The following NEURL1 variants were observed in gnomAD, a reference collection of about 807,000 sequenced individuals.
NEURL1 encodes E3 ubiquitin-protein ligase NEURL1.
Under a neutral mutation model 41.2 loss-of-function variants are expected in NEURL1, and 26 were observed. That is an observed-to-expected ratio of 0.63 (90% CI 0.46 to 0.87). The LOEUF is 0.87. Ranked by LOEUF, NEURL1 falls within the 40% of genes least tolerant of loss-of-function variation. The pLI is 0.00. For synonymous variants in NEURL1, 400 were observed against 402.3 expected (o/e 0.99, Z 0.07); for missense variants, 761 against 871.1 (o/e 0.87, Z 1.59).
chr10:103,570,207 C>G (rs374410442), intron 1 of NEURL1, among the ~76,000 whole-genome samples: 1 of 152,344 alleles, frequency 6.6e-6, no homozygotes, highest in East Asian at 1.9e-4. Flanking sequence ...TGGGCGGGCT[C>G]TACTTGGGCA....
chr10:103,554,793 T>C (rs2035110003), intron 1 of NEURL1, among the ~76,000 whole-genome samples: 1 of 152,196 alleles, frequency 6.6e-6, no homozygotes, highest in African/African-American at 2.4e-5. Flanking sequence ...ATCAGCTTGA[T>C]TGTGAACCTC....
intron 1 of NEURL1, among the ~76,000 whole-genome samples, chr10:103,509,162 G>A (rs995038558): frequency 1.1e-4 from 16 of 151,560 alleles, no homozygotes; most frequent in Non-Finnish European, 1.5e-5. Context: ...AACCCAGGAG[G>A]CAGAGGCTGC....
At chr10:103,519,422 T>C (rs1439952756) in intron 1 of NEURL1, among the ~76,000 whole-genome samples, 1 of 152,198 alleles carries the variant, frequency 6.6e-6, no homozygotes, top group Non-Finnish European at 1.5e-5. Flanking sequence ...TGTGCCTATG[T>C]CTAGAAAAGG....
chr10:103,560,060 C>T (rs2035258609), intron 1 of NEURL1, among the ~76,000 whole-genome samples: 1 of 152,160 alleles, frequency 6.6e-6, no homozygotes, highest in African/African-American at 2.4e-5. Context: ...CACACACATA[C>T]ACGCATGCAC....
chr10:103,590,530 G>C lies in NEURL1; in HGVS notation c.*158G>C, dbSNP rs891121652. On this transcript the variant is annotated 3_prime_UTR_variant, in exon 6 of 6. Coordinates refer to ENST00000369780, the MANE Select transcript of NEURL1 (RefSeq NM_004210.5). ...TGAAGCCCTTGAAGGTTTGGGGAGA[G>C]GGGGGTATCAGGCAGGGAGGGGGCA... 1.3e-4 allele frequency: 85 copies of C among 635,176 alleles called. No individual in the cohort carries two copies. In the African/African-American group the frequency reaches 1.4e-3, roughly 11 times the overall value. 39.3% of individuals were successfully genotyped at this position (635,176 alleles called of 1,614,324 possible). A position where few individuals can be genotyped will look rare whatever the true frequency, so the allele number is the denominator to read the frequency against.
At chr10:103,555,175 G>A in intron 1 of NEURL1, 1 of 380,032 alleles carries the variant, frequency 2.6e-6, no homozygotes, top group Non-Finnish European at 3.6e-6. Flanking sequence ...GCGTGTGGCC[G>A]GCTGGCCGCG....
intron 1 of NEURL1, among the ~76,000 whole-genome samples, chr10:103,560,765 C>A (rs972340752): frequency 2.0e-5 from 3 of 152,166 alleles, no homozygotes; most frequent in Non-Finnish European, 4.4e-5. Context: ...ACCAGTGCGA[C>A]AGATCTGAGT....
At chr10:103,525,619 G>T (rs2034444952) in intron 1 of NEURL1, among the ~76,000 whole-genome samples, 1 of 152,096 alleles carries the variant, frequency 6.6e-6, no homozygotes, top group South Asian at 2.1e-4. Context: ...CTCCCAAAGT[G>T]CTGGGATTAC....
chr10:103,546,789 G>T (rs2034932477), intron 1 of NEURL1, among the ~76,000 whole-genome samples: 1 of 152,244 alleles, frequency 6.6e-6, no homozygotes, highest in Non-Finnish European at 1.5e-5. Flanking sequence ...ATGGGCTAAA[G>T]CCCCTTCAGG....
Position 103,584,935 on chromosome 10 carries a change from C to A in NEURL1, c.1049C>A (p.Pro350His), listed in dbSNP as rs2035880046. ...GTCACGCGCTCGGGTGGCGCGCGGCCCGGCGCGCTGTCGTTCGGCGTCACC... is the reference window on the plus strand; with the variant it reads ...GTCACGCGCTCGGGTGGCGCGCGGCACGGCGCGCTGTCGTTCGGCGTCACC... ...VKVTRSGGARPGALSFGVTTC... is the reference protein window; with the variant it reads ...VKVTRSGGARHGALSFGVTTC... Residue 350 changes from proline to histidine, a missense_variant, in exon 4 of 6, where the codon CCC becomes CAC. Transcript: ENST00000369780. 1 of 1,490,488 alleles carries A rather than the reference C, an allele frequency of 6.7e-7. No homozygotes were observed. The highest frequency in any genetic ancestry group is 8.9e-7 in the Non-Finnish European group (1 of 1,128,480). 92.3% of individuals were successfully genotyped at this position (1,490,488 alleles called of 1,614,324 possible).
chr10:103,554,734 A>G (rs1467737155), intron 1 of NEURL1, among the ~76,000 whole-genome samples: 3 of 152,252 alleles, frequency 2.0e-5, no homozygotes, highest in Non-Finnish European at 2.9e-5. Flanking sequence ...CCCTTGGAAC[A>G]GAGCCTGGAA....
intron 4 of NEURL1, chr10:103,588,661 G>A: frequency 2.5e-6 from 1 of 400,942 alleles, no homozygotes; most frequent in Admixed American, 2.8e-5. Context: ...AAAAAGGAGA[G>A]GAAGGCCGGG....
intron 1 of NEURL1, among the ~76,000 whole-genome samples, chr10:103,521,727 G>A (rs745602316): frequency 6.6e-6 from 1 of 152,264 alleles, no homozygotes; most frequent in African/African-American, 2.4e-5. Flanking sequence ...ATTGATAGGC[G>A]GAAGTTTCAT....
chr10:103,585,346 A>ACTAAGGT (rs2035897697), intron 4 of NEURL1, 121 bp downstream of exon 4: 2 of 924,024 alleles, frequency 2.2e-6, no homozygotes, highest in African/African-American at 1.7e-5. Context: ...AAGGAATCAC[A>ACTAAGGT]GACACCTAAG....
chr10:103,555,246 G>C, intron 1 of NEURL1: 1 of 966,010 alleles, frequency 1.0e-6, no homozygotes, highest in Non-Finnish European at 1.3e-6. Context: ...GCGCGGGAGG[G>C]GCCTCGGCCC....
In NEURL1 at chr10:103,584,827, C is replaced by T; in HGVS notation, c.941C>T (p.Ala314Val). 7.1e-7 allele frequency: 1 copy of T among 1,415,292 alleles called. No homozygotes were observed. 87.7% of individuals were successfully genotyped at this position (1,415,292 alleles called of 1,614,324 possible). A position where few individuals can be genotyped will look rare whatever the true frequency, so the allele number is the denominator to read the frequency against. The change falls in exon 4 of 6, where the codon GCG (alanine) becomes GTG (valine). Residue 314 changes from alanine (A) to valine (V), a missense_variant. This residue lies in a region of NEURL1 where 443 missense variants were observed against 408.1 expected (regional missense o/e 1.09). Transcript: ENST00000369780. ...CGCATCCTCGACGAGCAGACGGTGG[C>T]GCGCGTGGAGCACGGGCGCGACGAG... ...HVRILDEQTV[A>V]RVEHGRDERA... is the part of the protein sequence containing the mutation.
chr10:103,557,095 C>T (rs1328200362), intron 1 of NEURL1, among the ~76,000 whole-genome samples: 4 of 152,112 alleles, frequency 2.6e-5, no homozygotes, highest in Admixed American at 2.6e-4. Context: ...TCAGTTTTCT[C>T]ACCTGTCAAT....
At chr10:103,518,706 T>C (rs961675155) in intron 1 of NEURL1, among the ~76,000 whole-genome samples, 1 of 152,130 alleles carries the variant, frequency 6.6e-6, no homozygotes, top group African/African-American at 2.4e-5. Flanking sequence ...GGGGAACAAC[T>C]CTATTCTGTG....
intron 1 of NEURL1, among the ~76,000 whole-genome samples, chr10:103,507,303 G>A (rs1269424423): frequency 6.6e-6 from 1 of 152,178 alleles, no homozygotes; most frequent in Non-Finnish European, 1.5e-5. Context: ...AGTCACTGAA[G>A]AGCCTTAAAC....
Sources: allele counts gnomAD v4.1 joint callset (sites outside exome capture counted in the v4.1 genomes callset), GRCh38; gene constraint gnomAD v4.1.1; regional missense constraint gnomAD v4.1.1; transcripts MANE v1.5; gene names NCBI Gene and HGNC (gene_info 2026-07-23, HGNC 2026-07-21).